The following CACNA1A variants were observed in gnomAD, a reference collection of about 807,000 sequenced individuals.
CACNA1A encodes calcium voltage-gated channel subunit alpha1 A, also known as voltage-dependent P/Q-type calcium channel subunit alpha-1A.
A neutral mutation model predicts 262.4 loss-of-function variants in CACNA1A; 57 were observed. The observed-to-expected ratio is 0.22, with a 90% confidence interval of 0.18 to 0.27. The LOEUF (loss-of-function observed/expected upper bound fraction) is 0.27. Ranked by LOEUF, CACNA1A falls within the 10% of genes least tolerant of loss-of-function variation. CACNA1A has a pLI of 1.00. For missense variants in CACNA1A, 2,526 were observed against 3,562.8 expected (o/e 0.71, Z 7.41); for synonymous variants, 1,431 against 1,419.3 (o/e 1.01, Z -0.18).
intron 10 of CACNA1A, 23 bp from the exon 11 acceptor site, chr19:13,317,344 T>C (rs2058147896): frequency 6.3e-7 from 1 of 1,580,418 alleles, no homozygotes; most frequent in East Asian, 2.3e-5. Flanking sequence ...AGATGGAGAA[T>C]GTCAGGCTCA....
intron 3 of CACNA1A, among the ~76,000 whole-genome samples, chr19:13,417,159 A>T (rs2060238424): frequency 6.6e-6 from 1 of 152,194 alleles, no homozygotes; most frequent in South Asian, 2.1e-4. Context: ...CGTCCAGGTC[A>T]GAAAGCGACT....
rs769887736 is a variant in CACNA1A, at chr19:13,308,134, T to C, written c.1899A>G (p.Gln633=). ...FIVVFALLGM[Q]LFGGQFNFDE... Reference sequence around the variant, plus strand: ...GAAGGACTTACTGGCCGCCGAAGAGTTGCATTCCCAAAAGGGCGAAGACGA... The same window carrying C: ...GAAGGACTTACTGGCCGCCGAAGAGCTGCATTCCCAAAAGGGCGAAGACGA... The change falls in exon 14 of 47, where the codon CAA becomes CAG. Residue 633 remains glutamine, a synonymous_variant. Coordinates refer to ENST00000360228, the MANE Select transcript of CACNA1A (RefSeq NM_001127222.2). This position sits in a 1 kb window ranked among gnomAD's most constrained non-coding sequence, Gnocchi z 4.2. The C allele has an allele frequency of 2.1e-5, 34 of 1,613,442 alleles. No homozygotes were observed. Among genetic ancestry groups the C allele is most frequent in the South Asian group, 5.5e-5 (5 of 91,048 alleles).
intron 34 of CACNA1A, among the ~76,000 whole-genome samples, chr19:13,232,743 A>C (rs1012210480): frequency 1.6e-5 from 2 of 124,072 alleles, no homozygotes; most frequent in Admixed American, 8.2e-5. Context: ...AAAAAAAAGC[A>C]AAAAAAAAAA....
intron 4 of CACNA1A, chr19:13,366,119 G>C (rs1258771074): frequency 6.6e-6 from 1 of 151,848 alleles, no homozygotes; most frequent in African/African-American, 2.4e-5. Context: ...CTCCCGAGTA[G>C]GCCCAGCTAA....
chr19:13,314,607 C>T (rs1348896643), intron 11 of CACNA1A, among the ~76,000 whole-genome samples: 1 of 152,162 alleles, frequency 6.6e-6, no homozygotes, highest in African/African-American at 2.4e-5. Flanking sequence ...ACAGGGAAAC[C>T]TGCCAATGCC....
At chr19:13,336,057 G>A in intron 6 of CACNA1A, 148 bp from the exon 7 acceptor site, 1 of 568,384 alleles carries the variant, frequency 1.8e-6, no homozygotes. Context: ...GCATCCCAGA[G>A]GGGGAAATGG....
intron 8 of CACNA1A, 77 bp from the exon 9 acceptor site, chr19:13,333,002 C>T: frequency 3.6e-6 from 4 of 1,097,148 alleles, no homozygotes; most frequent in Non-Finnish European, 4.1e-6. Context: ...GAAGGGTCTG[C>T]CCGGCCACCC....
chr19:13,267,433 A>G (rs2056890519), intron 24 of CACNA1A, among the ~76,000 whole-genome samples: 1 of 152,150 alleles, frequency 6.6e-6, no homozygotes, highest in African/African-American at 2.4e-5. Context: ...AGAAAGCACT[A>G]AGAAAGCCAA....
chr19:13,257,724 A>C (rs780662705), intron 27 of CACNA1A, 173 bp from the exon 28 acceptor site: 4 of 469,396 alleles, frequency 8.5e-6, no homozygotes, highest in Non-Finnish European at 1.5e-5. Flanking sequence ...CAACAATGTC[A>C]GTTATTTCTT....
intron 43 of CACNA1A, 28 bp from the exon 44 acceptor site, chr19:13,210,680 A>G (rs770145259): frequency 6.4e-7 from 1 of 1,553,216 alleles, no homozygotes; most frequent in Non-Finnish European, 8.7e-7. Flanking sequence ...GATGGTGCAC[A>G]CAGAAAAAAC....
chr19:13,457,928 A>G (rs1403660502), intron 1 of CACNA1A, among the ~76,000 whole-genome samples: 1 of 152,198 alleles, frequency 6.6e-6, no homozygotes, highest in Non-Finnish European at 1.5e-5. Context: ...CATTATGCCA[A>G]GCGAAAGAAG....
rs16014 is a variant in CACNA1A, at chr19:13,308,229, G to A, written c.1804C>T (p.Leu602=). Residue 602 remains leucine (L), a synonymous_variant, in exon 14 of 47, where the codon CTG becomes TTG. Transcript: ENST00000360228. The surrounding 1 kb of genome is among the most constrained non-coding windows in gnomAD (Gnocchi z 4.2). ...ATGGAGTTGAGGAGAGAGACGACCA[G>A]GTTTCTGAGAGATGCCCAGTACCTG... is the stretch of plus-strand genomic sequence containing the variant. ...VTKYWASLRN[L]VVSLLNSMKS... The A allele has an allele frequency of 8.7e-6, 14 of 1,613,752 alleles. No individual in the cohort carries two copies. In the East Asian group the frequency reaches 1.1e-4, roughly 13 times the overall value.
Position 13,341,081 on chromosome 19 carries a change from G to C in CACNA1A, c.979-5172C>G, listed in dbSNP as rs544072258. On this transcript the variant is annotated intron_variant, in intron 6 of 46. Coordinates refer to ENST00000360228, the MANE Select transcript of CACNA1A (RefSeq NM_001127222.2). ...AGCAAGACCCTGTGTCTAAAATAAA[G>C]AAACAAACAAACAAATAAGTAAATA... Among the ~76,000 whole-genome samples the C allele has an allele frequency of 4.7e-4, 72 of 152,184 alleles. No homozygotes were observed. In the South Asian group the frequency reaches 0.014, roughly 30 times the overall value.
intron 1 of CACNA1A, among the ~76,000 whole-genome samples, chr19:13,501,962 C>T (rs943463698): frequency 7.2e-5 from 11 of 152,024 alleles, no homozygotes; most frequent in South Asian, 4.2e-4. Context: ...AATTTTACTT[C>T]GCAGAATTTT....
At chr19:13,281,705 G>A (rs554797505) in intron 22 of CACNA1A, among the ~76,000 whole-genome samples, 3 of 152,312 alleles carry the variant, frequency 2.0e-5, no homozygotes, top group African/African-American at 4.8e-5. Context: ...GGCACATGCC[G>A]CGTGGGGCGT....
chr19:13,409,297 G>A (rs889649421), intron 3 of CACNA1A, among the ~76,000 whole-genome samples: 1 of 151,430 alleles, frequency 6.6e-6, no homozygotes. Flanking sequence ...TGAGGTCATG[G>A]TAGGAGATAT....
At chr19:13,364,281 G>A (rs2059166874) in intron 5 of CACNA1A, 1 of 152,248 alleles carries the variant, frequency 6.6e-6, no homozygotes, top group African/African-American at 2.4e-5. Context: ...TCAGGGCAGA[G>A]AACAAAATAA....
At chr19:13,376,242 C>T (rs532837961) in intron 3 of CACNA1A, among the ~76,000 whole-genome samples, 5 of 152,220 alleles carry the variant, frequency 3.3e-5, no homozygotes, top group South Asian at 4.2e-4. Context: ...AGATGAAATG[C>T]CCTATTGGAA....
chr19:13,372,515 T>C (rs1178038962), intron 3 of CACNA1A, among the ~76,000 whole-genome samples: 1 of 152,136 alleles, frequency 6.6e-6, no homozygotes, highest in Non-Finnish European at 1.5e-5. Flanking sequence ...TAGTTCAGTG[T>C]TAAGAGCCCA....
Sources: gnomAD v4.1 joint callset for allele counts (sites outside exome capture counted in the v4.1 genomes callset) on GRCh38, gnomAD v4.1.1 for gene constraint, Gnocchi (gnomAD v3.1) non-coding constraint, MANE v1.5 for transcripts, NCBI Gene and HGNC (gene_info 2026-07-23, HGNC 2026-07-21) for gene names.